Variants in CNTLN observed in about 807,000 individuals in gnomAD.
CNTLN encodes the protein centlein.
CNTLN carries 212 observed loss-of-function variants against 180.0 expected under a neutral mutation model. The ratio of observed to expected loss-of-function variants is 1.18; its 90% confidence interval spans 1.05 to 1.32. The LOEUF (loss-of-function observed/expected upper bound fraction) is 1.32, where lower values mean the gene tolerates loss of function less well. Ranked by LOEUF, CNTLN falls within the 40% of genes most tolerant of loss-of-function variation. CNTLN has a pLI of 0.00. For missense variants in CNTLN, 2,095 were observed against 1,610.9 expected (o/e 1.30, Z -5.14); for synonymous variants, 722 against 563.1 (o/e 1.28, Z -3.99).
chr9:17,479,214 A>G (rs980601145), intron 23 of CNTLN, among the ~76,000 whole-genome samples: 31 of 152,208 alleles, frequency 2.0e-4, no homozygotes, highest in African/African-American at 6.8e-4. Flanking sequence ...AAGAAGTGAA[A>G]TCATGATCTT....
intron 8 of CNTLN, 88 bp downstream of exon 8, chr9:17,309,340 T>C (rs1302846072): frequency 4.0e-5 from 40 of 998,008 alleles, no homozygotes; most frequent in Non-Finnish European, 5.6e-5. Context: ...AATTTAAATA[T>C]ATTTGCATTT....
Position 17,135,278 on chromosome 9 carries a change from G to T in CNTLN, c.213G>T (p.Gly71=), listed in dbSNP as rs200731719. The T allele has an allele frequency of 1.5e-3, 2,413 of 1,601,050 alleles. 7 individuals are homozygous for T. Among genetic ancestry groups the T allele is most frequent in the Non-Finnish European group, 1.2e-3 (1,431 of 1,174,512 alleles). ...CAGGGGGCCGGCGAGGGCCTGGGGG[G>T]GCAGCTCCGGCTCATGCTCCCCTCC... ...EGSGGRRGPG[G]AAPAHAPLLS... The change falls in exon 1 of 26, where the codon GGG becomes GGT. Residue 71 remains glycine (G), a synonymous_variant. Transcript: ENST00000380647.
chr9:17,174,870 T>C (rs1357505085), intron 2 of CNTLN, among the ~76,000 whole-genome samples: 5 of 152,230 alleles, frequency 3.3e-5, no homozygotes, highest in Non-Finnish European at 7.3e-5. Flanking sequence ...TTATACCTCA[T>C]TGAAGTTTTA....
At chr9:17,139,094 A>T (rs369763598) in intron 1 of CNTLN, among the ~76,000 whole-genome samples, 1 of 151,832 alleles carries the variant, frequency 6.6e-6, no homozygotes, top group Non-Finnish European at 1.5e-5. Flanking sequence ...TTTTATTTTT[A>T]TTTTTTATTT....
chr9:17,405,723 A>G (rs1827333950), intron 15 of CNTLN, among the ~76,000 whole-genome samples: 1 of 151,606 alleles, frequency 6.6e-6, no homozygotes, highest in African/African-American at 2.4e-5. Context: ...GTTACCACCT[A>G]TATTCCAGCC....
At position 17,150,823 on chromosome 9, in the gene CNTLN, C is replaced by T. The variant is rs192286700; in HGVS notation, c.449+7447C>T. ...CATTTGTTTGTGTCCTCTCTTACTT[C>T]CTTGAGCAGTGGTTTGTAGTTCTCC... is the stretch of plus-strand genomic sequence containing the variant. On this transcript the variant is annotated intron_variant, in intron 2 of 25. Transcript: ENST00000380647. Among the ~76,000 whole-genome samples, 772 of 152,214 alleles carry T rather than the reference C, an allele frequency of 5.1e-3. 5 individuals carry two copies. Among genetic ancestry groups the T allele is most frequent in the Admixed American group, 8.0e-3 (122 of 15,292 alleles).
chr9:17,229,491 G>C (rs1824680665), intron 3 of CNTLN, among the ~76,000 whole-genome samples: 1 of 152,014 alleles, frequency 6.6e-6, no homozygotes, highest in Non-Finnish European at 1.5e-5. Context: ...AACTCTGCAG[G>C]GCAGCCTGGC....
At chr9:17,458,996 A>G (rs1199827402) in intron 19 of CNTLN, among the ~76,000 whole-genome samples, 1 of 151,814 alleles carries the variant, frequency 6.6e-6, no homozygotes, top group Admixed American at 6.6e-5. Context: ...GATCTTATCT[A>G]TCACATAGAC....
chr9:17,399,415 A>G (rs534843347), intron 15 of CNTLN, among the ~76,000 whole-genome samples: 23 of 152,270 alleles, frequency 1.5e-4, no homozygotes, highest in African/African-American at 5.5e-4. Flanking sequence ...ATAAACTTCC[A>G]TGATTCTATG....
At chr9:17,508,686 C>T (rs28759679), downstream of CNTLN, among the ~76,000 whole-genome samples, 1,152 of 152,280 alleles carry the variant, frequency 7.6e-3, 10 homozygotes, top group African/African-American at 0.026. Flanking sequence ...TTGACATTGG[C>T]TTCTTTCAGA....
chr9:17,203,841 G>GCCA (rs1237793018), intron 2 of CNTLN, among the ~76,000 whole-genome samples: 3 of 152,228 alleles, frequency 2.0e-5, no homozygotes, highest in African/African-American at 7.2e-5. Flanking sequence ...ACAGGCTTGA[G>GCCA]CCACCGCACC....
chr9:17,382,576 C>A (rs540663912), intron 13 of CNTLN, among the ~76,000 whole-genome samples: 1 of 152,246 alleles, frequency 6.6e-6, no homozygotes, highest in East Asian at 1.9e-4. Context: ...TAATTTAATG[C>A]ACAGTCATTA....
At chr9:17,392,035 A>G (rs1587864347) in intron 14 of CNTLN, among the ~76,000 whole-genome samples, 1 of 152,178 alleles carries the variant, frequency 6.6e-6, no homozygotes, top group Admixed American at 6.5e-5. Context: ...ATATTTTTGT[A>G]TCACCAAAGT....
At chr9:17,336,909 G>A (rs764173880) in intron 10 of CNTLN, among the ~76,000 whole-genome samples, 1 of 152,072 alleles carries the variant, frequency 6.6e-6, no homozygotes, top group South Asian at 2.1e-4. Flanking sequence ...CACAATGGTT[G>A]AACTAATTTA....
chr9:17,172,174 G>A (rs1820462544), intron 2 of CNTLN, among the ~76,000 whole-genome samples: 1 of 152,000 alleles, frequency 6.6e-6, no homozygotes, highest in Non-Finnish European at 1.5e-5. Context: ...AGCTGCTGGT[G>A]TCCTCTGAGG....
intron 15 of CNTLN, among the ~76,000 whole-genome samples, chr9:17,404,990 G>A (rs1410729639): frequency 2.0e-5 from 3 of 151,354 alleles, no homozygotes; most frequent in East Asian, 1.9e-4. Context: ...TGCCCACCTC[G>A]GCCTCCCAAA....
chr9:17,354,465 G>A (rs1294580837), intron 12 of CNTLN, among the ~76,000 whole-genome samples: 5 of 152,124 alleles, frequency 3.3e-5, no homozygotes, highest in Admixed American at 3.3e-4. Context: ...ACACCAATCG[G>A]CACTCTGTAT....
At chr9:17,257,503 G>A (rs1463644471) in intron 5 of CNTLN, among the ~76,000 whole-genome samples, 1 of 151,562 alleles carries the variant, frequency 6.6e-6, no homozygotes, top group South Asian at 2.1e-4. Flanking sequence ...GTAATGGGAT[G>A]GCTGGGTCAA....
chr9:17,317,684 A>G (rs1819621470), intron 8 of CNTLN, among the ~76,000 whole-genome samples: 1 of 152,152 alleles, frequency 6.6e-6, no homozygotes, highest in South Asian at 2.1e-4. Flanking sequence ...TGATTAGGTG[A>G]CATTAGAAAA....
Sources: allele counts gnomAD v4.1 joint callset (sites outside exome capture counted in the v4.1 genomes callset), GRCh38; gene constraint gnomAD v4.1.1; transcripts MANE v1.5; gene names NCBI Gene and HGNC (gene_info 2026-07-23, HGNC 2026-07-21).